ATRNL1: variants seen among roughly 807,000 people sequenced by gnomAD.
The protein encoded by ATRNL1 is attractin-like protein 1.
In ATRNL1, 95 loss-of-function variants were observed where a neutral mutation model predicts 182.7. That is an observed-to-expected ratio of 0.52 (90% CI 0.44 to 0.62). ATRNL1 has a LOEUF of 0.62. ATRNL1 is among the 20% of genes least tolerant of loss of function. The probability of loss-of-function intolerance (pLI) is 0.00; values close to 1 mark genes in which losing one functional copy is unlikely to be tolerated. For synonymous variants in ATRNL1, 576 were observed against 568.3 expected (o/e 1.01, Z -0.19); for missense variants, 1,471 against 1,679.5 (o/e 0.88, Z 2.17).
chr10:115,612,006 G>T (rs1012839923), intron 26 of ATRNL1, among the ~76,000 whole-genome samples: 2 of 152,030 alleles, frequency 1.3e-5, no homozygotes, highest in Admixed American at 6.6e-5. Context: ...ATTCCAGCAC[G>T]CTGGGAGGCC....
intron 5 of ATRNL1, among the ~76,000 whole-genome samples, chr10:115,144,170 C>T (rs1397122023): frequency 2.6e-5 from 4 of 151,000 alleles, no homozygotes; most frequent in Admixed American, 6.6e-5. Flanking sequence ...TTTTTTGAGA[C>T]GGAGTCTCAT....
chr10:115,727,385 C>G, intron 27 of ATRNL1, 30 bp downstream of exon 27: 1 of 1,523,648 alleles, frequency 6.6e-7, no homozygotes, highest in Non-Finnish European at 9.1e-7. Context: ...AAGAGGACCA[C>G]TGTGCTTTGC....
chr10:115,777,859 G>A (rs1593202834), intron 27 of ATRNL1, among the ~76,000 whole-genome samples: 1 of 152,148 alleles, frequency 6.6e-6, no homozygotes, highest in African/African-American at 2.4e-5. Flanking sequence ...TAAGAATCAA[G>A]TGAATAATAT....
chr10:115,095,162 C>G (rs1195574081), intron 1 of ATRNL1, among the ~76,000 whole-genome samples: 1 of 152,104 alleles, frequency 6.6e-6, no homozygotes, highest in African/African-American at 2.4e-5. Context: ...AAGTCAGCTT[C>G]TTAGTCTTCT....
intron 26 of ATRNL1, among the ~76,000 whole-genome samples, chr10:115,568,916 T>C (rs1336115): frequency 0.3 from 44,909 of 151,928 alleles, 7,786 homozygotes; most frequent in East Asian, 0.68. Flanking sequence ...TATCAACATA[T>C]GCAAATGTGT....
At chr10:115,226,842 T>G (rs1849720387) in intron 9 of ATRNL1, among the ~76,000 whole-genome samples, 1 of 152,100 alleles carries the variant, frequency 6.6e-6, no homozygotes, top group South Asian at 2.1e-4. Context: ...GACTCCCTAT[T>G]CAATAAATGA....
chr10:115,593,840 A>G (rs1856062998), intron 26 of ATRNL1, among the ~76,000 whole-genome samples: 1 of 152,114 alleles, frequency 6.6e-6, no homozygotes, highest in African/African-American at 2.4e-5. Context: ...GCTTACACTT[A>G]TTATCATTAT....
Position 115,254,551 on chromosome 10 carries a change from G to A in ATRNL1, c.1688-10642G>A, listed in dbSNP as rs1235859764. 1.0e-3 allele frequency among the ~76,000 whole-genome samples: 157 copies of A among 151,582 alleles called. 1 individual carries two copies. The highest frequency in any genetic ancestry group is 3.7e-3 in the African/African-American group (152 of 41,108). On this transcript the variant is annotated intron_variant, in intron 10 of 28. Coordinates refer to ENST00000355044, the MANE Select transcript of ATRNL1 (RefSeq NM_207303.4). ...CTGGATATTAGCCCTTTGTCAGATG[G>A]GTAGATTGCAAAAATTTTCTCCCAT...
intron 6 of ATRNL1, among the ~76,000 whole-genome samples, 187 bp downstream of exon 6, chr10:115,160,401 G>C (rs1846727450): frequency 6.6e-6 from 1 of 151,740 alleles, no homozygotes. Context: ...ATAGAAGTAT[G>C]CTTCATGTAG....
At chr10:115,509,605 C>A (rs1246671985) in intron 24 of ATRNL1, among the ~76,000 whole-genome samples, 2 of 151,950 alleles carry the variant, frequency 1.3e-5, no homozygotes, top group African/African-American at 4.8e-5. Flanking sequence ...TGAGGCTTCC[C>A]CAGAAGCCTT....
intron 26 of ATRNL1, among the ~76,000 whole-genome samples, chr10:115,587,131 A>G (rs1180913714): frequency 5.4e-5 from 8 of 148,494 alleles, no homozygotes; most frequent in Non-Finnish European, 1.0e-4. Context: ...CCAGCTGCGT[A>G]CTGGGAGAAC....
At chr10:115,813,517 C>G (rs542866407) in intron 27 of ATRNL1, among the ~76,000 whole-genome samples, 2 of 152,138 alleles carry the variant, frequency 1.3e-5, no homozygotes, top group Non-Finnish European at 2.9e-5. Flanking sequence ...GAAAGAATAT[C>G]AAAAACTGAT....
chr10:115,235,673 A>G (rs1046330600), intron 9 of ATRNL1, among the ~76,000 whole-genome samples: 3 of 152,166 alleles, frequency 2.0e-5, no homozygotes, highest in Non-Finnish European at 4.4e-5. Context: ...ACTTTTGACT[A>G]TTAAGAATGA....
intron 8 of ATRNL1, among the ~76,000 whole-genome samples, chr10:115,211,515 A>T (rs1411220948): frequency 1.3e-5 from 2 of 151,746 alleles, no homozygotes; most frequent in Non-Finnish European, 2.9e-5. Flanking sequence ...GTGTCTTGGC[A>T]TGGATATCTT....
intron 26 of ATRNL1, among the ~76,000 whole-genome samples, chr10:115,560,343 T>C (rs1853623491): frequency 6.6e-6 from 1 of 152,162 alleles, no homozygotes; most frequent in Non-Finnish European, 1.5e-5. Flanking sequence ...ACTTATTCAC[T>C]ATCATGAGAA....
At chr10:115,379,257 G>T (rs149698981) in intron 19 of ATRNL1, among the ~76,000 whole-genome samples, 3 of 152,224 alleles carry the variant, frequency 2.0e-5, no homozygotes, top group African/African-American at 4.8e-5. Flanking sequence ...TGCTGGTTCA[G>T]CATAAAAGGA....
chr10:115,315,936 A>G (rs932586514), intron 18 of ATRNL1, among the ~76,000 whole-genome samples, 200 bp downstream of exon 18: 1 of 152,230 alleles, frequency 6.6e-6, no homozygotes, highest in Non-Finnish European at 1.5e-5. Flanking sequence ...GAATCATTAG[A>G]TAGGCTAAAT....
chr10:115,134,871 C>A (rs965413915), intron 5 of ATRNL1, among the ~76,000 whole-genome samples: 8 of 152,090 alleles, frequency 5.3e-5, no homozygotes, highest in Non-Finnish European at 1.0e-4. Flanking sequence ...AGATGCAAGG[C>A]TAGTTCAACA....
At chr10:115,774,480 C>G (rs2134173994) in intron 27 of ATRNL1, among the ~76,000 whole-genome samples, 1 of 148,356 alleles carries the variant, frequency 6.7e-6, no homozygotes, top group South Asian at 2.2e-4. Flanking sequence ...CTAGGGGTGG[C>G]TTTGGGCAAG....
Sources: gnomAD v4.1 joint callset for allele counts (sites outside exome capture counted in the v4.1 genomes callset) on GRCh38, gnomAD v4.1.1 for gene constraint, MANE v1.5 for transcripts, NCBI Gene and HGNC (gene_info 2026-07-23, HGNC 2026-07-21) for gene names.